ABCG2: variants seen among roughly 807,000 people sequenced by gnomAD.
ABCG2 encodes the protein broad substrate specificity ATP-binding cassette transporter ABCG2.
A neutral mutation model predicts 73.5 loss-of-function variants in ABCG2; 80 were observed. That is an observed-to-expected ratio of 1.09 (90% CI 0.91 to 1.31). The LOEUF (loss-of-function observed/expected upper bound fraction) is 1.31. ABCG2 is among the 50% of genes most tolerant of loss of function. The probability of loss-of-function intolerance (pLI) is 0.00; values close to 1 mark genes in which losing one functional copy is unlikely to be tolerated. For missense variants in ABCG2, 796 were observed against 786.2 expected (o/e 1.01, Z -0.15); for synonymous variants, 269 against 282.4 (o/e 0.95, Z 0.48).
intron 12 of ABCG2, among the ~76,000 whole-genome samples, chr4:88,098,046 G>A (rs1274903660): frequency 1.3e-5 from 2 of 152,078 alleles, no homozygotes; most frequent in Non-Finnish European, 2.9e-5. Context: ...GAGGGGGAGG[G>A]GGCCTCCATA....
intron 1 of ABCG2, among the ~76,000 whole-genome samples, chr4:88,169,548 A>G (rs1442576243): frequency 6.6e-6 from 1 of 152,148 alleles, no homozygotes; most frequent in Non-Finnish European, 1.5e-5. Context: ...GTGTTAGATT[A>G]GAAAAGAGTT....
chr4:88,142,682 C>G (rs1241079445), intron 1 of ABCG2, among the ~76,000 whole-genome samples: 1 of 152,172 alleles, frequency 6.6e-6, no homozygotes, highest in Non-Finnish European at 1.5e-5. Flanking sequence ...CGTGGTGGTT[C>G]ACACCTGTAG....
chr4:88,118,021 G>A (rs1468379094), intron 7 of ABCG2, 88 bp downstream of exon 7: 2 of 1,338,494 alleles, frequency 1.5e-6, no homozygotes, highest in Non-Finnish European at 2.0e-6. Flanking sequence ...TCTACCCAAA[G>A]ACCAAACAGC....
intron 8 of ABCG2, among the ~76,000 whole-genome samples, chr4:88,114,324 T>G (rs1285622720): frequency 6.6e-6 from 1 of 152,158 alleles, no homozygotes; most frequent in Non-Finnish European, 1.5e-5. Flanking sequence ...GTTCTAATTC[T>G]TAATATAAAA....
At chr4:88,108,209 C>T (rs190767980) in intron 9 of ABCG2, among the ~76,000 whole-genome samples, 82 of 152,270 alleles carry the variant, frequency 5.4e-4, no homozygotes, top group African/African-American at 1.9e-3. Flanking sequence ...TTTATATTTA[C>T]TCGTGAGTTA....
At chr4:88,121,491 T>A in intron 6 of ABCG2, 144 bp downstream of exon 6, 1 of 830,162 alleles carries the variant, frequency 1.2e-6, no homozygotes, top group Non-Finnish European at 1.8e-6. Context: ...TTCTTGATAA[T>A]GCTTTTCATT....
chr4:88,212,466 T>C (rs1387035056), intron 1 of ABCG2, among the ~76,000 whole-genome samples: 1 of 152,196 alleles, frequency 6.6e-6, no homozygotes, highest in East Asian at 1.9e-4. Context: ...CTCTGGCCTC[T>C]GACTACCTTG....
At chr4:88,196,064 A>AT (rs1728932503) in intron 1 of ABCG2, among the ~76,000 whole-genome samples, 1 of 151,990 alleles carries the variant, frequency 6.6e-6, no homozygotes, top group Admixed American at 6.6e-5. Flanking sequence ...ACCAATTACT[A>AT]TTTTGCAGAG....
At chr4:88,218,133 T>G in intron 1 of ABCG2, among the ~76,000 whole-genome samples, 1 of 152,048 alleles carries the variant, frequency 6.6e-6, no homozygotes, top group East Asian at 1.9e-4. Context: ...ATATCTTCAT[T>G]CCCTCTCAGT....
chr4:88,178,199 A>G (rs959674305), intron 1 of ABCG2, among the ~76,000 whole-genome samples: 1 of 152,182 alleles, frequency 6.6e-6, no homozygotes, highest in African/African-American at 2.4e-5. Flanking sequence ...AGGGAAGAGT[A>G]AAGATGACTT....
intron 1 of ABCG2, among the ~76,000 whole-genome samples, chr4:88,157,080 C>G (rs1038709486): frequency 6.6e-6 from 1 of 152,142 alleles, no homozygotes; most frequent in African/African-American, 2.4e-5. Flanking sequence ...CCAGTCTGGG[C>G]AATAAAGCAA....
chr4:88,100,732 G>A (rs897346742), intron 11 of ABCG2, among the ~76,000 whole-genome samples: 2 of 152,012 alleles, frequency 1.3e-5, no homozygotes, highest in African/African-American at 2.4e-5. Flanking sequence ...CTTCCGGCTC[G>A]TGCCACTTCC....
chr4:88,092,267 G>A lies in ABCG2; in HGVS notation c.1935C>T (p.Tyr645=). The A allele has an allele frequency of 6.2e-7, 1 of 1,610,606 alleles. No homozygotes were observed. Among genetic ancestry groups the A allele is most frequent in the Non-Finnish European group, 8.5e-7 (1 of 1,177,614 alleles). The change falls in exon 16 of 16, where the codon TAC becomes TAT. Residue 645 remains tyrosine, a synonymous_variant. Transcript: ENST00000237612. The stretch of plus-strand genomic sequence containing the variant: ...ATTTTTTAAGAAATAACAATTTCAG[G>A]TAGGCAATTGTGAGGAAAATAACAA... ...CMIVIFLTIA[Y]LKLLFLKKYS
chr4:88,168,250 A>T (rs1727620637), intron 1 of ABCG2, among the ~76,000 whole-genome samples: 1 of 152,154 alleles, frequency 6.6e-6, no homozygotes, highest in Non-Finnish European at 1.5e-5. Context: ...GCGCTTTGGG[A>T]GGCTGAAGCG....
At chr4:88,100,978 G>A (rs536856437) in intron 11 of ABCG2, among the ~76,000 whole-genome samples, 10 of 152,228 alleles carry the variant, frequency 6.6e-5, no homozygotes, top group Non-Finnish European at 1.2e-4. Flanking sequence ...AGGTCCCAAA[G>A]GCTCAGGATT....
intron 1 of ABCG2, among the ~76,000 whole-genome samples, chr4:88,169,324 A>G (rs1727666773): frequency 6.6e-6 from 1 of 152,166 alleles, no homozygotes; most frequent in Non-Finnish European, 1.5e-5. Flanking sequence ...CATTACAGGC[A>G]TGAGCCATCA....
intron 1 of ABCG2, among the ~76,000 whole-genome samples, chr4:88,178,075 G>C (rs1239369602): frequency 4.6e-5 from 7 of 152,212 alleles, no homozygotes; most frequent in Non-Finnish European, 1.0e-4. Flanking sequence ...ACATGACCTA[G>C]TGAGACACCA....
Position 88,216,579 on chromosome 4 carries a change from T to C in ABCG2, c.-20+14415A>G, listed in dbSNP as rs544008413. 9.2e-5 allele frequency among the ~76,000 whole-genome samples: 14 copies of C among 152,346 alleles called. No individual in the cohort carries two copies. The South Asian group carries it at 2.5e-3, about 27-fold the overall frequency. On this transcript the variant is annotated intron_variant, in intron 1 of 15. Coordinates refer to the ABCG2 transcript ENST00000515655. ...ACTATACCTACTGCTGAATGTCCCG[T>C]TGACCAACAGCCAAAGTCAACACTA...
At chr4:88,211,783 T>C (rs566961695) in intron 1 of ABCG2, among the ~76,000 whole-genome samples, 10 of 152,140 alleles carry the variant, frequency 6.6e-5, no homozygotes, top group Non-Finnish European at 1.3e-4. Context: ...AACTTGAAGA[T>C]ACAGTCAAAC....
Sources: gnomAD v4.1 joint callset for allele counts (sites outside exome capture counted in the v4.1 genomes callset) on GRCh38, gnomAD v4.1.1 for gene constraint, MANE v1.5 for transcripts, NCBI Gene and HGNC (gene_info 2026-07-23, HGNC 2026-07-21) for gene names.